Variants in VPS13C observed in about 807,000 individuals in gnomAD.
The protein encoded by VPS13C is intermembrane lipid transfer protein VPS13C.
A neutral mutation model predicts 456.8 loss-of-function variants in VPS13C; 358 were observed. That is an observed-to-expected ratio of 0.78 (90% CI 0.72 to 0.86). VPS13C has a LOEUF of 0.86. VPS13C is among the 40% of genes least tolerant of loss of function. VPS13C has a pLI of 0.00. For synonymous variants in VPS13C, 1,578 were observed against 1,486.7 expected, an observed-to-expected ratio of 1.06 and a Z score of -1.41; for missense variants, 4,818 against 4,385.4, an observed-to-expected ratio of 1.10 and a Z score of -2.79.
intron 77 of VPS13C, among the ~76,000 whole-genome samples, chr15:61,874,009 T>C (rs1414835015): frequency 6.7e-6 from 1 of 148,366 alleles, no homozygotes; most frequent in Non-Finnish European, 1.5e-5. Flanking sequence ...TTAAAAAAAA[T>C]GAAAACCGGT....
intron 69 of VPS13C, 149 bp from the exon 70 acceptor site, chr15:61,881,977 G>T: frequency 1.4e-6 from 1 of 722,498 alleles, no homozygotes; most frequent in Non-Finnish European, 2.2e-6. Context: ...TTTTAAATCT[G>T]TAAAAGTTAC....
rs2043599439 is a variant in VPS13C at position 61,920,073 on chromosome 15, T to C, written c.7471A>G (p.Thr2491Ala). 1 of 1,599,948 alleles carries C rather than the reference T, an allele frequency of 6.3e-7. No homozygotes were observed. Among genetic ancestry groups the C allele is most frequent in the Non-Finnish European group, 8.5e-7 (1 of 1,170,328 alleles). ...SRQESSFFTL[T>A]IVPHGYTEVA... Reference sequence around the variant, plus strand: ...GAAAACAAATATAGCCTACCAATGGTCAGAGTGAAGAAGGAGCTTTCTTGA... The same window carrying C: ...GAAAACAAATATAGCCTACCAATGGCCAGAGTGAAGAAGGAGCTTTCTTGA... The change falls in exon 57 of 85, where the codon ACC (threonine) becomes GCC (alanine). Residue 2491 changes from threonine (T) to alanine (A), a missense_variant. Thr to Ala is a moderately conservative substitution (Grantham distance 58, BLOSUM62 0). This residue lies in a region of VPS13C where 4,552 missense variants were observed against 4,130.6 expected (regional missense o/e 1.10). Transcript: ENST00000644861.
In VPS13C at chr15:61,920,539, T is replaced by C. The variant is rs1387562793; in HGVS notation, c.7171A>G (p.Ile2391Val). 7 of 1,565,932 alleles carry C rather than the reference T, an allele frequency of 4.5e-6. No homozygotes were observed. Among genetic ancestry groups the C allele is most frequent in the Non-Finnish European group, 6.0e-6 (7 of 1,161,074 alleles). ...AAAACATTAAGACAACTTTTGGATA[T>C]TGTTATATTCATTGTATTTCCTGAA... ...ISSGNTMNITISKSCLNVFNN... is the reference protein window; with the variant it reads ...ISSGNTMNITVSKSCLNVFNN... Residue 2391 changes from isoleucine to valine, a missense_variant, in exon 56 of 85, where the codon ATA becomes GTA. By Grantham distance (29) the Ile-to-Val change is conservative (BLOSUM62 3). Around this residue, in one of 3 missense-constraint regions of VPS13C, gnomAD observed 4,552 missense variants for 4,130.6 expected, o/e 1.10. Transcript: ENST00000644861.
At chr15:62,060,048 G>A (rs929696580) in intron 1 of VPS13C, among the ~76,000 whole-genome samples, 1 of 152,186 alleles carries the variant, frequency 6.6e-6, no homozygotes, top group African/African-American at 2.4e-5. Flanking sequence ...AGAAAGGTGG[G>A]AACTTTGGCA....
chr15:61,945,811 C>A lies in VPS13C; in HGVS notation c.5052G>T (p.Glu1684Asp). Residue 1684 changes from glutamate to aspartate, a missense_variant, in exon 45 of 85, where the codon GAG becomes GAT. Physicochemically the swap from Glu to Asp is conservative, Grantham distance 45. Transcript: ENST00000644861. Reference protein sequence around the residue: ...LTLYPDATEGEAYADMSKVDG... With the variant: ...LTLYPDATEGDAYADMSKVDG... ...CTACTTTGGACATATCAGCATAGGC[C>A]TCTCCTTCTGTGGCATCTGGATAAA... 2 of 1,613,440 alleles carry A rather than the reference C, an allele frequency of 1.2e-6. No individual in the cohort carries two copies. Among genetic ancestry groups the A allele is most frequent in the Admixed American group, 1.7e-5 (1 of 59,964 alleles).
chr15:61,952,014 T>A (rs2044816156), intron 38 of VPS13C, 34 bp from the exon 39 acceptor site: 1 of 1,599,406 alleles, frequency 6.3e-7, no homozygotes, highest in Non-Finnish European at 8.5e-7. Context: ...CACCAACTAT[T>A]TCACCAATAT....
rs1370719739 is a variant in VPS13C at position 62,004,306 on chromosome 15, A to G, written c.1290+3002T>C. On this transcript the variant is annotated intron_variant, in intron 15 of 84. Transcript: ENST00000644861. ...CTTCTAGATTTTCTAGTTTATTTGC[A>G]TAGAGGTGTTTGTAGTATTCTCTGA... Among the ~76,000 whole-genome samples, 1,510 of 151,636 alleles carry G rather than the reference A, an allele frequency of 1.0e-2. 34 individuals carry two copies. Among genetic ancestry groups the G allele is most frequent in the African/African-American group, 0.035 (1,446 of 41,166 alleles).
In VPS13C at chr15:62,023,484, T is replaced by C. The variant is rs754064222; in HGVS notation, c.551A>G (p.Glu184Gly). The change falls in exon 8 of 85, where the codon GAA becomes GGA. Residue 184 changes from glutamate (E) to glycine (G), a missense_variant. Coordinates refer to ENST00000644861, the MANE Select transcript of VPS13C (RefSeq NM_020821.3). Reference sequence around the variant, plus strand: ...TTTTATTACTTGAGTTGCCAATTTTTCCACAAATGTATCCTTTTTGGCTTC... The same window carrying C: ...TTTTATTACTTGAGTTGCCAATTTTCCCACAAATGTATCCTTTTTGGCTTC... ...PKEAKKDTFV[E>G]KLATQVIKNV... 6.3e-7 allele frequency: 1 copy of C among 1,587,296 alleles called. No homozygotes were observed. Among genetic ancestry groups the C allele is most frequent in the Non-Finnish European group, 8.6e-7 (1 of 1,169,320 alleles).
At position 61,940,594 on chromosome 15, in the gene VPS13C, C is replaced by T. The variant is rs2044386181; in HGVS notation, c.5601+53G>A. ...ATATCCACTAGAACTGCACTATGAT[C>T]AACGAGAAAAGCCTATCAAGAAATT... On this transcript the variant is annotated intron_variant, in intron 47 of 84. Transcript: ENST00000644861. The T allele has an allele frequency of 2.4e-5, 38 of 1,561,830 alleles. No homozygotes were observed. The South Asian group carries it at 4.1e-4, about 17-fold the overall frequency.
At chr15:61,928,182 TAAAGTA>T (rs988751272) in intron 51 of VPS13C, among the ~76,000 whole-genome samples, 13 of 152,174 alleles carry the variant, frequency 8.5e-5, no homozygotes, top group African/African-American at 3.1e-4. Context: ...CCCTAAAACT[TAAAGTA>T]TAATAATAAT....
At chr15:61,922,184 A>ACT in intron 54 of VPS13C, 151 bp from the exon 55 acceptor site, 2 of 1,038,740 alleles carry the variant, frequency 1.9e-6, no homozygotes, top group South Asian at 3.4e-5. Context: ...ATTTTCCTTT[A>ACT]CTCTCTTACT....
chr15:61,898,019 G>A (rs1031350797), intron 66 of VPS13C, among the ~76,000 whole-genome samples: 3 of 152,058 alleles, frequency 2.0e-5, no homozygotes, highest in Non-Finnish European at 4.4e-5. Flanking sequence ...ATAAGTGAAC[G>A]AGAAATAAAA....
At chr15:62,040,106 C>T (rs1411551188) in intron 3 of VPS13C, among the ~76,000 whole-genome samples, 2 of 152,072 alleles carry the variant, frequency 1.3e-5, no homozygotes, top group African/African-American at 4.8e-5. Flanking sequence ...ATAAGCCAGG[C>T]ACAAATAGAC....
At chr15:61,932,341 G>C (rs199905909) in intron 49 of VPS13C, among the ~76,000 whole-genome samples, 1 of 152,084 alleles carries the variant, frequency 6.6e-6, no homozygotes. Context: ...ATAGGATACA[G>C]GGTGATTGGG....
intron 9 of VPS13C, among the ~76,000 whole-genome samples, chr15:62,019,573 T>A (rs527511880): frequency 6.2e-4 from 94 of 152,292 alleles, no homozygotes; most frequent in African/African-American, 2.2e-3. Context: ...GAGAAGGTTG[T>A]TCAGTTTCCA....
intron 79 of VPS13C, among the ~76,000 whole-genome samples, chr15:61,871,002 T>C (rs1377034907): frequency 6.6e-6 from 1 of 152,212 alleles, no homozygotes; most frequent in East Asian, 1.9e-4. Context: ...ATTTTCTAGA[T>C]ATGTCTTTTA....
intron 8 of VPS13C, among the ~76,000 whole-genome samples, chr15:62,021,102 G>A (rs748382449): frequency 6.6e-6 from 1 of 151,820 alleles, no homozygotes; most frequent in Non-Finnish European, 1.5e-5. Context: ...GAATACACGT[G>A]GTCAGTGTGT....
intron 3 of VPS13C, among the ~76,000 whole-genome samples, chr15:62,040,804 A>C (rs1234053759): frequency 2.0e-5 from 3 of 152,182 alleles, no homozygotes; most frequent in Non-Finnish European, 2.9e-5. Flanking sequence ...TATTGAAAAA[A>C]TTTATTCAAC....
In VPS13C at chr15:61,984,246, A is replaced by G. The variant is rs186717143; in HGVS notation, c.1722-234T>C. On this transcript the variant is annotated intron_variant, in intron 19 of 84. Transcript: ENST00000644861. The stretch of plus-strand genomic sequence containing the variant: ...TCATCTACGTGAAAAACTCACTTCA[A>G]CCAACTTTAGAATACTGTAAAAGTT... 9.8e-4 allele frequency among the ~76,000 whole-genome samples: 146 copies of G among 148,268 alleles called. 1 individual carries two copies. Among genetic ancestry groups the G allele is most frequent in the African/African-American group, 3.5e-3 (143 of 41,232 alleles).
Sources: allele counts gnomAD v4.1 joint callset (sites outside exome capture counted in the v4.1 genomes callset), GRCh38; gene constraint gnomAD v4.1.1; regional missense constraint gnomAD v4.1.1; transcripts MANE v1.5; gene names NCBI Gene and HGNC (gene_info 2026-07-23, HGNC 2026-07-21).